Variants in SNTG2 observed in about 807,000 individuals in gnomAD.
The protein encoded by SNTG2 is gamma-2-syntrophin.
A neutral mutation model predicts 70.9 loss-of-function variants in SNTG2; 74 were observed. The ratio of observed to expected loss-of-function variants is 1.04; its 90% CI spans 0.86 to 1.27. The LOEUF is 1.27. Among genes scored for constraint, SNTG2 ranks in the 50% most tolerant of loss-of-function variants. SNTG2 has a pLI of 0.00. For synonymous variants in SNTG2, 278 were observed against 273.8 expected (o/e 1.02, Z -0.15); for missense variants, 717 against 690.7 (o/e 1.04, Z -0.43).
At chr2:1,281,343 A>G (rs113549946) in intron 14 of SNTG2, among the ~76,000 whole-genome samples, 5,565 of 9,598 alleles carry the variant, frequency 0.58, 2,014 homozygotes, top group Middle Eastern at 1. Context: ...GTGTGGTGGT[A>G]TGTGTGTGCT....
intron 16 of SNTG2, among the ~76,000 whole-genome samples, chr2:1,355,763 A>G (rs1573023116): frequency 6.6e-6 from 1 of 152,186 alleles, no homozygotes; most frequent in East Asian, 1.9e-4. Context: ...AAACCCCCAT[A>G]CTATTCATAG....
intron 11 of SNTG2, among the ~76,000 whole-genome samples, chr2:1,243,939 TC>T (rs1677219954): frequency 6.6e-6 from 1 of 152,014 alleles, no homozygotes; most frequent in Non-Finnish European, 1.5e-5. Flanking sequence ...GGCAGGAGAA[TC>T]GCTTCAACCC....
At chr2:1,075,009 A>G (rs987622122) in intron 1 of SNTG2, among the ~76,000 whole-genome samples, 4 of 152,258 alleles carry the variant, frequency 2.6e-5, no homozygotes, top group South Asian at 2.1e-4. Context: ...TAAAAAATCC[A>G]TAAAATAATC....
intron 16 of SNTG2, among the ~76,000 whole-genome samples, chr2:1,364,146 ATT>A (rs57194458): frequency 0.071 from 10,410 of 147,282 alleles, 1,207 homozygotes; most frequent in African/African-American, 0.24. Flanking sequence ...AATTTTTAGT[ATT>A]TTTTTTTTTT....
chr2:1,363,232 G>T (rs1453206738), intron 16 of SNTG2, among the ~76,000 whole-genome samples: 1 of 151,512 alleles, frequency 6.6e-6, no homozygotes, highest in East Asian at 1.9e-4. Context: ...CTGCAACCTT[G>T]TGCAAAGACA....
At chr2:1,181,523 G>A (rs1232069199) in intron 8 of SNTG2, among the ~76,000 whole-genome samples, 2 of 152,174 alleles carry the variant, frequency 1.3e-5, no homozygotes, top group South Asian at 4.1e-4. Context: ...GAAACCCAGA[G>A]GAATGGTTTC....
At chr2:1,196,114 A>C (rs558607127) in intron 8 of SNTG2, among the ~76,000 whole-genome samples, 175 of 152,296 alleles carry the variant, frequency 1.1e-3, no homozygotes, top group African/African-American at 4.1e-3. Flanking sequence ...GTTAGGTCAG[A>C]ATACTCAATA....
At chr2:1,100,249 C>A (rs376047400) in intron 4 of SNTG2, among the ~76,000 whole-genome samples, 93 of 152,174 alleles carry the variant, frequency 6.1e-4, no homozygotes, top group African/African-American at 2.0e-3. Flanking sequence ...TCACTGCAAC[C>A]TCCACCTCCC....
intron 8 of SNTG2, among the ~76,000 whole-genome samples, chr2:1,191,875 T>C (rs1482820286): frequency 6.6e-6 from 1 of 151,946 alleles, no homozygotes; most frequent in East Asian, 1.9e-4. Context: ...CTTTATATAT[T>C]ATATATGTAC....
intron 16 of SNTG2, 84 bp from the exon 17 acceptor site, chr2:1,367,259 A>G: frequency 7.4e-7 from 1 of 1,357,628 alleles, no homozygotes; most frequent in Non-Finnish European, 9.8e-7. Flanking sequence ...CTTGGAGTTC[A>G]CAAGGTCCAA....
chr2:1,128,377 G>A (rs1667829271), intron 4 of SNTG2, among the ~76,000 whole-genome samples: 2 of 151,924 alleles, frequency 1.3e-5, no homozygotes, highest in Admixed American at 6.6e-5. Context: ...TTATACATAT[G>A]AATACATAAA....
At chr2:1,178,777 G>A (rs1160021119) in intron 8 of SNTG2, among the ~76,000 whole-genome samples, 6 of 152,032 alleles carry the variant, frequency 3.9e-5, no homozygotes, top group African/African-American at 1.4e-4. Context: ...TTTTTGTTGT[G>A]TCTCTGCCAG....
chr2:1,136,407 C>A (rs1049649909), intron 4 of SNTG2, among the ~76,000 whole-genome samples: 1 of 151,368 alleles, frequency 6.6e-6, no homozygotes, highest in Non-Finnish European at 1.5e-5. Flanking sequence ...GAGCTGCCAC[C>A]AATGCATGGG....
chr2:1,006,562 G>A (rs990799482), intron 1 of SNTG2, among the ~76,000 whole-genome samples: 4 of 152,092 alleles, frequency 2.6e-5, no homozygotes, highest in Non-Finnish European at 5.9e-5. Flanking sequence ...GACTTGGCCC[G>A]CCACATCCGT....
At chr2:1,099,654 A>G (rs4502454) in intron 4 of SNTG2, among the ~76,000 whole-genome samples, 2,126 of 20,144 alleles carry the variant, frequency 0.11, 21 homozygotes, top group African/African-American at 0.2. Flanking sequence ...TGGTCAGGTC[A>G]TCTGAAGGTG....
chr2:1,359,934 A>G (rs931720164), intron 16 of SNTG2, among the ~76,000 whole-genome samples: 2 of 152,192 alleles, frequency 1.3e-5, no homozygotes, highest in Non-Finnish European at 2.9e-5. Context: ...CCATTTAACA[A>G]TATTACCAAA....
chr2:1,206,569 T>C (rs554798161), intron 8 of SNTG2, among the ~76,000 whole-genome samples: 1 of 152,164 alleles, frequency 6.6e-6, no homozygotes, highest in South Asian at 2.1e-4. Context: ...TTATAGAAAA[T>C]ATTTTCTCCA....
chr2:995,949 AT>A (rs1355760393), intron 1 of SNTG2, among the ~76,000 whole-genome samples: 1 of 152,164 alleles, frequency 6.6e-6, no homozygotes, highest in Non-Finnish European at 1.5e-5. Context: ...GAAAAATAGA[AT>A]TTCTGGTTTT....
chr2:1,152,893 G>A (rs1309955632), intron 6 of SNTG2, among the ~76,000 whole-genome samples: 8 of 152,086 alleles, frequency 5.3e-5, no homozygotes, highest in African/African-American at 1.9e-4. Flanking sequence ...GGAGGCCAAG[G>A]TGGGCGGATC....
Sources: gnomAD v4.1 joint callset for allele counts (sites outside exome capture counted in the v4.1 genomes callset) on GRCh38, gnomAD v4.1.1 for gene constraint, MANE v1.5 for transcripts, NCBI Gene and HGNC (gene_info 2026-07-23, HGNC 2026-07-21) for gene names.